Variants in CLN6 observed in about 807,000 individuals in gnomAD.
The protein encoded by CLN6 is CLN6 transmembrane ER protein, also known as ceroid-lipofuscinosis neuronal protein 6.
Under a neutral mutation model 33.3 loss-of-function variants are expected in CLN6, and 22 were observed. That is an observed-to-expected ratio of 0.66 (90% CI 0.47 to 0.94). CLN6 has a LOEUF of 0.94. Ranked by LOEUF, CLN6 falls within the 40% of genes least tolerant of loss-of-function variation. The pLI, the probability that CLN6 is intolerant of heterozygous loss-of-function variation, is 0.00. For synonymous variants in CLN6, 201 were observed against 174.6 expected, an observed-to-expected ratio of 1.15 and a Z score of -1.19; for missense variants, 387 against 417.1, an observed-to-expected ratio of 0.93 and a Z score of 0.63.
rs1444036165 is a variant in CLN6, at chr15:68,256,637, A to T, written c.179+53T>A. On this transcript the variant is annotated intron_variant, in intron 1 of 6. Coordinates refer to the CLN6 transcript ENST00000538696. This position sits in a 1 kb window ranked among gnomAD's most constrained non-coding sequence, Gnocchi z 4.1. ...TGCAGTCGCACAGGGCCCCACGTTC[A>T]GAAGGGCTTCGCCCTTGGTTTAATG... is the stretch of plus-strand genomic sequence containing the variant. 1 of 595,180 alleles carries T rather than the reference A, an allele frequency of 1.7e-6. No individual in the cohort carries two copies. 36.9% of individuals were successfully genotyped at this position (595,180 alleles called of 1,614,324 possible).
Position 68,218,644 on chromosome 15 carries a change from G to C in CLN6, c.90C>G (p.Gly30=). 1 of 1,612,668 alleles carries C rather than the reference G, an allele frequency of 6.2e-7. No homozygotes were observed. Among genetic ancestry groups the C allele is most frequent in the Middle Eastern group, 1.7e-4 (1 of 6,034 alleles). The change falls in exon 2 of 7, where the codon GGC becomes GGG. Residue 30 remains glycine (G), a synonymous_variant. Coordinates refer to ENST00000249806, the MANE Select transcript of CLN6 (RefSeq NM_017882.3). The part of the protein sequence containing the change: ...LGASFLQARH[G]SVSADEAART... ...GGGCAGCCTCATCAGCGCTCACAGA[G>C]CCATGCCTGGGAAGGAACCAGACGA...
chr15:68,211,448 C>T lies in CLN6; in HGVS notation c.487-130G>A. On this transcript the variant is annotated intron_variant, in intron 4 of 6. Coordinates refer to ENST00000249806, the MANE Select transcript of CLN6 (RefSeq NM_017882.3). This position sits in a 1 kb window ranked among gnomAD's most constrained non-coding sequence, Gnocchi z 5.9. ...GCCTCCCCCACTGCCTTATTCCCTA[C>T]CCGGGGCCTCGCCTTCTGTTACAGG... 2 of 1,527,586 alleles carry T rather than the reference C, an allele frequency of 1.3e-6. No individual in the cohort carries two copies. Among genetic ancestry groups the T allele is most frequent in the Non-Finnish European group, 1.8e-6 (2 of 1,113,848 alleles). 94.6% of individuals were successfully genotyped at this position (1,527,586 alleles called of 1,614,324 possible).
rs1053272311 is a variant in CLN6, at chr15:68,219,694, C to G, written c.84-1044G>C. On this transcript the variant is annotated intron_variant, in intron 1 of 6. Coordinates refer to ENST00000249806, the MANE Select transcript of CLN6 (RefSeq NM_017882.3). This position sits in a 1 kb window ranked among gnomAD's most constrained non-coding sequence, Gnocchi z 4.2. Reference sequence around the variant, plus strand: ...AGCTGTACTCTCCCATCTAGACCCTCGAGAACAGGGGTGACCTTTAAGGTT... The same window carrying G: ...AGCTGTACTCTCCCATCTAGACCCTGGAGAACAGGGGTGACCTTTAAGGTT... 6.6e-6 allele frequency among the ~76,000 whole-genome samples: 1 copy of G among 152,188 alleles called. No homozygotes were observed. Among genetic ancestry groups the G allele is most frequent in the Admixed American group, 6.5e-5 (1 of 15,276 alleles).
In CLN6 at chr15:68,247,758, G is replaced by T. The variant is rs1892341444; in HGVS notation, c.179+8932C>A. Among the ~76,000 whole-genome samples the T allele has an allele frequency of 6.6e-6, 1 of 152,130 alleles. No homozygotes were observed. On this transcript the variant is annotated intron_variant, in intron 1 of 6. Transcript: ENST00000538696. This position sits in a 1 kb window ranked among gnomAD's most constrained non-coding sequence, Gnocchi z 4.2. ...AACGAACAAACCTGGGTCAGGCATG[G>T]TGGCTCATGCCTGTAATCTGAGCAC...
chr15:68,253,176 A>AT (rs1892397030), intron 1 of CLN6, among the ~76,000 whole-genome samples: 1 of 152,228 alleles, frequency 6.6e-6, no homozygotes, highest in Non-Finnish European at 1.5e-5. Context: ...CATGTACCTA[A>AT]TAGCTTTCTA....
chr15:68,218,553 C>T lies in CLN6; in HGVS notation c.181G>A (p.Gly61Arg), dbSNP rs2093226893. ...ACACTCACCATGGCAATGGGACGCC[C>T]AAAGTCCAGAACCCAGTTCTGCAGT... Reference protein sequence around the residue: ...FTLQNWVLDFGRPIAMLVFPL... With the variant: ...FTLQNWVLDFRRPIAMLVFPL... Residue 61 changes from glycine (G) to arginine (R), a missense_variant, in exon 2 of 7, where the codon GGG (glycine) becomes AGG (arginine). Coordinates refer to ENST00000249806, the MANE Select transcript of CLN6 (RefSeq NM_017882.3). The T allele has an allele frequency of 6.2e-7, 1 of 1,613,710 alleles. No individual in the cohort carries two copies. Among genetic ancestry groups the T allele is most frequent in the East Asian group, 2.2e-5 (1 of 44,884 alleles).
upstream of CLN6, among the ~76,000 whole-genome samples, chr15:68,230,883 C>T (rs182385930): frequency 6.6e-6 from 1 of 152,284 alleles, no homozygotes; most frequent in East Asian, 1.9e-4. This position sits in a 1 kb window ranked among gnomAD's most constrained non-coding sequence, Gnocchi z 4.0. Flanking sequence ...CTCCCCACCA[C>T]CCCCGTGCTA....
At chr15:68,223,088 T>A (rs2093242373) in intron 1 of CLN6, among the ~76,000 whole-genome samples, 1 of 144,656 alleles carries the variant, frequency 6.9e-6, no homozygotes. Flanking sequence ...CCCTGCCACA[T>A]CCCCCTCTCT....
intron 2 of CLN6, chr15:68,215,283 C>CTG (rs1259671615): frequency 6.6e-6 from 1 of 152,072 alleles, no homozygotes; most frequent in Non-Finnish European, 1.5e-5. Flanking sequence ...CTCTCTCTCT[C>CTG]TTACTCAGTG....
intron 1 of CLN6, among the ~76,000 whole-genome samples, chr15:68,252,541 T>C (rs185175470): frequency 7.8e-4 from 119 of 152,322 alleles, no homozygotes; most frequent in African/African-American, 2.7e-3. Context: ...TTGTGTAAAT[T>C]GGTACAATCT....
In CLN6 at chr15:68,209,625, A is replaced by T; in HGVS notation, c.665+12T>A. 1 of 1,611,970 alleles carries T rather than the reference A, an allele frequency of 6.2e-7. No individual in the cohort carries two copies. The highest frequency in any genetic ancestry group is 8.5e-7 in the Non-Finnish European group (1 of 1,179,816). On this transcript the variant is annotated intron_variant, in intron 6 of 6. Transcript: ENST00000249806. The surrounding 1 kb of genome is among the most constrained non-coding windows in gnomAD (Gnocchi z 4.9). ...TGCCCCTGCCTCTGCCCCCATGCTG[A>T]TGTCCACTCACCAGTAGTACAGGCC...
rs2093232758 is a variant in CLN6, at chr15:68,220,535, C to T, written c.84-1885G>A. 6.6e-6 allele frequency among the ~76,000 whole-genome samples: 1 copy of T among 152,208 alleles called. No homozygotes were observed. The highest frequency in any genetic ancestry group is 1.5e-5 in the Non-Finnish European group (1 of 68,036). On this transcript the variant is annotated intron_variant, in intron 1 of 6. Transcript: ENST00000249806. The surrounding 1 kb of genome is among the most constrained non-coding windows in gnomAD (Gnocchi z 4.2). Reference sequence around the variant, plus strand: ...GCTCCTTCCTTTATAGTGCTGGGTTCTAAGGGTGCAAGCCCAGGACTGCCT... The same window carrying T: ...GCTCCTTCCTTTATAGTGCTGGGTTTTAAGGGTGCAAGCCCAGGACTGCCT...
At position 68,245,488 on chromosome 15, in the gene CLN6, C is replaced by T. The variant is rs77288984; in HGVS notation, c.179+11202G>A. Among the ~76,000 whole-genome samples, 19 of 152,040 alleles carry T rather than the reference C, an allele frequency of 1.2e-4. No individual in the cohort carries two copies. In the East Asian group the frequency reaches 2.9e-3, roughly 23 times the overall value. On this transcript the variant is annotated intron_variant, in intron 1 of 6. Coordinates refer to the CLN6 transcript ENST00000538696. ...GCTGAGGTGGGAGGATCACCTGAGT[C>T]GAGGGAAGTTGAGGTTGCAGTGAGC...
Position 68,218,455 on chromosome 15 carries a change from G to C in CLN6, c.198+81C>G, listed in dbSNP as rs2093226536. 1.4e-5 allele frequency: 14 copies of C among 990,628 alleles called. No homozygotes were observed. The South Asian group carries it at 1.8e-4, about 13-fold the overall frequency. The allele number at this position is 990,628 out of a possible 1,614,324, so 61.4% of individuals were successfully genotyped here. A position where few individuals can be genotyped will look rare whatever the true frequency, so the allele number is the denominator to read the frequency against. On this transcript the variant is annotated intron_variant, in intron 2 of 6. Coordinates refer to ENST00000249806, the MANE Select transcript of CLN6 (RefSeq NM_017882.3). ...CTAGGAGATAAAGGAGAAGTGACTT[G>C]TCTAAGGTCACTCGGCAAATTCAAG...
Position 68,214,283 on chromosome 15 carries a change from A to G in CLN6, c.297+7T>C. On this transcript the variant is annotated splice_region_variant and intron_variant, in intron 3 of 6. Transcript: ENST00000249806. ...GACAGGAGAGAGTGGGGGCCCTGGGACAGTACCTTGAGCAAGAGAAAGGGC... is the reference window on the plus strand; with the variant it reads ...GACAGGAGAGAGTGGGGGCCCTGGGGCAGTACCTTGAGCAAGAGAAAGGGC... The G allele has an allele frequency of 6.2e-7, 1 of 1,605,468 alleles. No homozygotes were observed. The highest frequency in any genetic ancestry group is 1.1e-5 in the South Asian group (1 of 90,930).
rs1440253636 is a variant in CLN6 at position 68,220,674 on chromosome 15, G to C, written c.84-2024C>G. ...GACAGTGTTCATGTTGCCAGTTCAT[G>C]ATCTGGCCATATGAGCCAACACATT... On this transcript the variant is annotated intron_variant, in intron 1 of 6. Coordinates refer to ENST00000249806, the MANE Select transcript of CLN6 (RefSeq NM_017882.3). The surrounding 1 kb of genome is among the most constrained non-coding windows in gnomAD (Gnocchi z 4.2). Among the ~76,000 whole-genome samples the C allele has an allele frequency of 6.6e-6, 1 of 152,342 alleles. No individual in the cohort carries two copies. Among genetic ancestry groups the C allele is most frequent in the South Asian group, 2.1e-4 (1 of 4,830 alleles).
intron 1 of CLN6, among the ~76,000 whole-genome samples, chr15:68,243,411 A>AC (rs1892296027): frequency 6.6e-6 from 1 of 152,204 alleles, no homozygotes; most frequent in Non-Finnish European, 1.5e-5. Context: ...TGAAAATCTT[A>AC]CCTTATGGTC....
intron 1 of CLN6, 41 bp downstream of exon 1, chr15:68,229,461 A>T (rs1340459496): frequency 1.9e-5 from 27 of 1,415,056 alleles, no homozygotes; most frequent in Non-Finnish European, 2.2e-5. Flanking sequence ...GCCCCAGCGC[A>T]CAGGCGCCTA....
intron 1 of CLN6, among the ~76,000 whole-genome samples, chr15:68,226,979 G>A (rs2093254072): frequency 6.6e-6 from 1 of 152,036 alleles, no homozygotes; most frequent in Non-Finnish European, 1.5e-5. Context: ...TTTAAAACTT[G>A]AAGCCTTTGC....
Sources: allele counts gnomAD v4.1 joint callset (sites outside exome capture counted in the v4.1 genomes callset), GRCh38; gene constraint gnomAD v4.1.1; non-coding constraint Gnocchi (gnomAD v3.1); transcripts MANE v1.5; gene names NCBI Gene and HGNC (gene_info 2026-07-23, HGNC 2026-07-21).